Variants in ADAMTS17 observed in about 807,000 individuals in gnomAD.
ADAMTS17 encodes the protein A disintegrin and metalloproteinase with thrombospondin motifs 17.
A neutral mutation model predicts 141.5 loss-of-function variants in ADAMTS17; 113 were observed. The observed-to-expected ratio is 0.80, with a 90% CI of 0.69 to 0.93. The LOEUF (loss-of-function observed/expected upper bound fraction) is 0.93. ADAMTS17 is among the 40% of genes least tolerant of loss of function. ADAMTS17 has a pLI of 0.00. For missense variants in ADAMTS17, 1,659 were observed against 1,517.9 expected, an observed-to-expected ratio of 1.09 and a Z score of -1.54; for synonymous variants, 768 against 630.6, an observed-to-expected ratio of 1.22 and a Z score of -3.27.
intron 7 of ADAMTS17, among the ~76,000 whole-genome samples, chr15:100,230,358 A>G (rs2042440684): frequency 6.6e-6 from 1 of 152,174 alleles, no homozygotes; most frequent in Non-Finnish European, 1.5e-5. Context: ...ATAGTAACAG[A>G]TTCCTGTGTA....
At chr15:100,028,718 C>T (rs2029871634) in intron 18 of ADAMTS17, among the ~76,000 whole-genome samples, 2 of 152,222 alleles carry the variant, frequency 1.3e-5, no homozygotes, top group South Asian at 2.1e-4. Flanking sequence ...GAGATGGGAA[C>T]CTGGCTGCTG....
chr15:100,205,143 C>T (rs2041486025), intron 7 of ADAMTS17, among the ~76,000 whole-genome samples: 1 of 152,130 alleles, frequency 6.6e-6, no homozygotes, highest in Admixed American at 6.5e-5. Flanking sequence ...TCCCAGGTAC[C>T]TCCAGGATCC....
chr15:100,257,721 A>G (rs910889302), intron 6 of ADAMTS17, among the ~76,000 whole-genome samples: 2 of 152,246 alleles, frequency 1.3e-5, no homozygotes, highest in African/African-American at 4.8e-5. Flanking sequence ...TTTAGTTAAA[A>G]CAGAACATTT....
rs1253109905 is a variant in ADAMTS17, at chr15:100,070,334, G to A, written c.2138-16280C>T. ...CACTGTCAACATTAGACAGATCAAC[G>A]AGTCAGAAAGTTAACAAGGATATCC... On this transcript the variant is annotated intron_variant, in intron 15 of 21. Coordinates refer to ENST00000268070, the MANE Select transcript of ADAMTS17 (RefSeq NM_139057.4). Among the ~76,000 whole-genome samples the A allele has an allele frequency of 4.7e-5, 7 of 149,076 alleles. No individual in the cohort carries two copies. The South Asian group carries it at 8.4e-4, about 18-fold the overall frequency.
chr15:100,059,482 G>A (rs1213431500), intron 15 of ADAMTS17, among the ~76,000 whole-genome samples: 1 of 152,312 alleles, frequency 6.6e-6, no homozygotes, highest in African/African-American at 2.4e-5. Flanking sequence ...TTTTCACTTT[G>A]GTGTCACTTA....
chr15:100,230,599 C>G (rs1249140716), intron 7 of ADAMTS17, among the ~76,000 whole-genome samples: 1 of 152,208 alleles, frequency 6.6e-6, no homozygotes, highest in African/African-American at 2.4e-5. Context: ...ATCTTCATAA[C>G]AGCTATCTCA....
chr15:100,192,545 G>A (rs370466513), intron 8 of ADAMTS17, among the ~76,000 whole-genome samples: 6 of 152,204 alleles, frequency 3.9e-5, no homozygotes, highest in African/African-American at 1.2e-4. Flanking sequence ...TTTCAATGCC[G>A]GCCCATCTGA....
intron 7 of ADAMTS17, among the ~76,000 whole-genome samples, chr15:100,210,534 G>A (rs542114735): frequency 6.6e-6 from 1 of 152,274 alleles, no homozygotes; most frequent in South Asian, 2.1e-4. Context: ...CAGGTCTTCA[G>A]GGCCACAGGT....
chr15:100,120,987 T>G (rs920188048), intron 12 of ADAMTS17, among the ~76,000 whole-genome samples: 3 of 152,062 alleles, frequency 2.0e-5, no homozygotes, highest in African/African-American at 7.2e-5. Context: ...AGGAAGACAA[T>G]CTATAAACAT....
At chr15:99,985,412 A>C (rs1448581650) in intron 20 of ADAMTS17, among the ~76,000 whole-genome samples, 1 of 152,230 alleles carries the variant, frequency 6.6e-6, no homozygotes, top group Non-Finnish European at 1.5e-5. Context: ...TTCTTCAATA[A>C]GGACTCAACT....
intron 20 of ADAMTS17, among the ~76,000 whole-genome samples, chr15:99,982,673 C>T (rs2060505327): frequency 6.6e-6 from 1 of 152,232 alleles, no homozygotes; most frequent in South Asian, 2.1e-4. Flanking sequence ...AAAAACATAT[C>T]TGGTCTTGTT....
At chr15:100,127,049 G>T (rs900542023) in intron 12 of ADAMTS17, among the ~76,000 whole-genome samples, 1 of 152,220 alleles carries the variant, frequency 6.6e-6, no homozygotes, top group African/African-American at 2.4e-5. Context: ...GAAAGGAAAA[G>T]GGTAAGTTAA....
chr15:100,105,440 G>A (rs1002157135), intron 14 of ADAMTS17, among the ~76,000 whole-genome samples: 1 of 152,186 alleles, frequency 6.6e-6, no homozygotes, highest in East Asian at 1.9e-4. Flanking sequence ...GCTGGTCCTG[G>A]GGATGGAGTG....
intron 8 of ADAMTS17, among the ~76,000 whole-genome samples, chr15:100,196,832 T>G (rs1035586208): frequency 6.6e-6 from 1 of 152,202 alleles, no homozygotes; most frequent in African/African-American, 2.4e-5. Context: ...GGGGAGGACA[T>G]AGCTTCATCC....
chr15:100,195,567 A>T (rs1003973253), intron 8 of ADAMTS17, among the ~76,000 whole-genome samples: 2 of 147,508 alleles, frequency 1.4e-5, no homozygotes, highest in African/African-American at 5.0e-5. Context: ...TCATCCTAAT[A>T]GTCTCAGACT....
intron 19 of ADAMTS17, among the ~76,000 whole-genome samples, chr15:99,995,882 G>C (rs1450599503): frequency 4.6e-5 from 7 of 152,126 alleles, no homozygotes; most frequent in Non-Finnish European, 1.0e-4. Flanking sequence ...GTGCTCGTTC[G>C]GGATTAGGAT....
chr15:100,319,922 C>T (rs532831117), intron 3 of ADAMTS17, among the ~76,000 whole-genome samples: 7 of 152,026 alleles, frequency 4.6e-5, no homozygotes, highest in Admixed American at 6.6e-5. Context: ...AAGAGCGAAA[C>T]TCTGTCTCAA....
intron 10 of ADAMTS17, among the ~76,000 whole-genome samples, chr15:100,133,671 G>C (rs186381730): frequency 6.0e-4 from 91 of 152,296 alleles, no homozygotes; most frequent in African/African-American, 2.0e-3. Flanking sequence ...ATTTACAGCA[G>C]TGAGGGGCTG....
intron 7 of ADAMTS17, among the ~76,000 whole-genome samples, chr15:100,240,988 C>A (rs1271175701): frequency 6.6e-6 from 1 of 152,022 alleles, no homozygotes; most frequent in Non-Finnish European, 1.5e-5. Context: ...ACCAAGCCCA[C>A]CTATTTTTTG....
Sources: allele counts gnomAD v4.1 joint callset (sites outside exome capture counted in the v4.1 genomes callset), GRCh38; gene constraint gnomAD v4.1.1; transcripts MANE v1.5; gene names NCBI Gene and HGNC (gene_info 2026-07-23, HGNC 2026-07-21).